TP63: variants seen among roughly 807,000 people sequenced by gnomAD.
TP63 encodes tumor protein p63.
Under a neutral mutation model 82.8 loss-of-function variants are expected in TP63, and 17 were observed. The observed-to-expected ratio is 0.21, with a 90% CI of 0.14 to 0.31. The LOEUF (loss-of-function observed/expected upper bound fraction) is 0.31, where lower values mean the gene tolerates loss of function less well. Ranked by LOEUF, TP63 falls within the 10% of genes least tolerant of loss-of-function variation. TP63 has a pLI of 1.00. For synonymous variants in TP63, 330 were observed against 321.7 expected (o/e 1.03, Z -0.28); for missense variants, 648 against 895.3 (o/e 0.72, Z 3.52).
intron 1 of TP63, among the ~76,000 whole-genome samples, chr3:189,671,342 C>A (rs75311801): frequency 0.039 from 5,867 of 152,092 alleles, 145 homozygotes; most frequent in Middle Eastern, 0.054. Flanking sequence ...GAGATATTAT[C>A]TCACTCCGGT....
intron 4 of TP63, among the ~76,000 whole-genome samples, chr3:189,832,887 G>A (rs930650705): frequency 6.6e-6 from 1 of 152,144 alleles, no homozygotes; most frequent in Non-Finnish European, 1.5e-5. Context: ...AGTGATCCTT[G>A]GATGCAGAGC....
intron 1 of TP63, among the ~76,000 whole-genome samples, chr3:189,735,227 A>G (rs1720490237): frequency 6.6e-6 from 1 of 152,186 alleles, no homozygotes; most frequent in Admixed American, 6.5e-5. Flanking sequence ...GTGGAGCCCC[A>G]CGTGCCTTTT....
intron 4 of TP63, among the ~76,000 whole-genome samples, chr3:189,814,683 C>G (rs1362398473): frequency 1.3e-5 from 2 of 152,150 alleles, no homozygotes; most frequent in Non-Finnish European, 2.9e-5. Flanking sequence ...TAACTTACCT[C>G]TAGGTTTTGG....
chr3:189,675,350 A>T (rs1214500538), intron 1 of TP63, among the ~76,000 whole-genome samples: 2 of 152,224 alleles, frequency 1.3e-5, no homozygotes, highest in East Asian at 3.9e-4. Flanking sequence ...TAATTATTGA[A>T]TTTTAATATT....
chr3:189,612,259 C>T, the TP63 span, among the ~76,000 whole-genome samples: 1 of 135,390 alleles, frequency 7.4e-6, no homozygotes, highest in Non-Finnish European at 1.7e-5. Context: ...AGAATTCCCA[C>T]ATGTTGTGGG....
At chr3:189,628,339 C>G (rs1729365051), upstream of TP63, among the ~76,000 whole-genome samples, 1 of 151,990 alleles carries the variant, frequency 6.6e-6, no homozygotes, top group African/African-American at 2.4e-5. Flanking sequence ...AATATGCAAC[C>G]TAGAGGAAAG....
intron 4 of TP63, among the ~76,000 whole-genome samples, chr3:189,843,285 C>T (rs1235769522): frequency 1.4e-5 from 2 of 147,230 alleles, no homozygotes; most frequent in Non-Finnish European, 3.0e-5. Flanking sequence ...CTGCCAGGCC[C>T]AGTGGGCTCC....
chr3:189,634,154 C>T (rs543651859), intron 1 of TP63, among the ~76,000 whole-genome samples: 1 of 151,966 alleles, frequency 6.6e-6, no homozygotes, highest in South Asian at 2.1e-4. Context: ...TTGTAGTTCT[C>T]GGTTTACAAA....
intron 4 of TP63, among the ~76,000 whole-genome samples, chr3:189,838,716 G>A (rs1013928466): frequency 7.9e-5 from 12 of 152,136 alleles, no homozygotes; most frequent in African/African-American, 2.7e-4. Flanking sequence ...AAGGAGAGGA[G>A]AGCAAAAGTT....
chr3:189,805,369 C>T (rs940363148), intron 3 of TP63, among the ~76,000 whole-genome samples: 2 of 152,188 alleles, frequency 1.3e-5, no homozygotes, highest in East Asian at 1.9e-4. Context: ...GTATTTTCTG[C>T]TGCTCAGTTT....
chr3:189,691,201 TG>T (rs2108719383), intron 1 of TP63, among the ~76,000 whole-genome samples: 1 of 150,682 alleles, frequency 6.6e-6, no homozygotes, highest in African/African-American at 2.4e-5. Context: ...TAGCCGGGCG[TG>T]GTGGTGCACG....
chr3:189,771,642 A>G (rs932688076), intron 3 of TP63, among the ~76,000 whole-genome samples: 2 of 151,262 alleles, frequency 1.3e-5, no homozygotes, highest in Non-Finnish European at 2.9e-5. Flanking sequence ...AGCCCTCCTG[A>G]GTTGAATATT....
At chr3:189,883,524 TCA>T (rs1408282809) in intron 10 of TP63, among the ~76,000 whole-genome samples, 1 of 152,208 alleles carries the variant, frequency 6.6e-6, no homozygotes, top group Non-Finnish European at 1.5e-5. Context: ...GGGCCACATA[TCA>T]GAGTGTTAAA....
chr3:189,794,088 T>G (rs569482364), intron 3 of TP63, among the ~76,000 whole-genome samples: 123 of 152,210 alleles, frequency 8.1e-4, no homozygotes, highest in African/African-American at 2.8e-3. Flanking sequence ...GGGCCACCAC[T>G]CTAAACATTT....
chr3:189,891,854 A>C (rs889164876), intron 13 of TP63, among the ~76,000 whole-genome samples: 3 of 152,136 alleles, frequency 2.0e-5, no homozygotes, highest in Non-Finnish European at 4.4e-5. Flanking sequence ...CTGCGGGAAG[A>C]AGACAGTCTC....
intron 4 of TP63, among the ~76,000 whole-genome samples, chr3:189,861,549 A>T (rs746762725): frequency 1.6e-4 from 25 of 152,210 alleles, no homozygotes; most frequent in Non-Finnish European, 3.4e-4. Flanking sequence ...TCCCAGAAGC[A>T]GCTGGTGTAA....
intron 1 of TP63, among the ~76,000 whole-genome samples, chr3:189,665,716 A>G (rs1404615395): frequency 1.3e-5 from 2 of 152,082 alleles, no homozygotes; most frequent in African/African-American, 4.8e-5. Flanking sequence ...GGTGTGTATT[A>G]TATGCAGCAG....
intron 4 of TP63, among the ~76,000 whole-genome samples, chr3:189,819,074 G>A (rs553033279): frequency 6.6e-6 from 1 of 152,328 alleles, no homozygotes; most frequent in East Asian, 1.9e-4. Flanking sequence ...TGACCAACAT[G>A]TAAAAATAGA....
At chr3:189,854,420 A>G (rs1716039997) in intron 4 of TP63, among the ~76,000 whole-genome samples, 1 of 152,032 alleles carries the variant, frequency 6.6e-6, no homozygotes, top group African/African-American at 2.4e-5. Flanking sequence ...TTTAGTAGAG[A>G]CATGGTTTCT....
Sources: gnomAD v4.1 joint callset for allele counts (sites outside exome capture counted in the v4.1 genomes callset) on GRCh38, gnomAD v4.1.1 for gene constraint, MANE v1.5 for transcripts, NCBI Gene and HGNC (gene_info 2026-07-23, HGNC 2026-07-21) for gene names.